The following IGF1R variants were observed in gnomAD, a reference collection of about 807,000 sequenced individuals.
IGF1R encodes insulin-like growth factor 1 receptor.
Under a neutral mutation model 144.6 loss-of-function variants are expected in IGF1R, and 44 were observed. That is an observed-to-expected ratio of 0.30 (90% CI 0.24 to 0.39). The LOEUF (loss-of-function observed/expected upper bound fraction) is 0.39. Among genes scored for constraint, IGF1R ranks in the 10% least tolerant of loss-of-function variants. IGF1R has a pLI of 1.00. For missense variants in IGF1R, 1,355 were observed against 1,833.7 expected, an observed-to-expected ratio of 0.74 and a Z score of 4.77; for synonymous variants, 795 against 722.8, an observed-to-expected ratio of 1.10 and a Z score of -1.60.
At chr15:98,830,983 C>T (rs964555542) in intron 2 of IGF1R, among the ~76,000 whole-genome samples, 3 of 152,016 alleles carry the variant, frequency 2.0e-5, no homozygotes, top group Admixed American at 6.6e-5. Flanking sequence ...TGTATCATGG[C>T]AAGAAGAGAA....
chr15:98,908,188 C>G (rs1227510745), intron 5 of IGF1R, among the ~76,000 whole-genome samples: 1 of 152,180 alleles, frequency 6.6e-6, no homozygotes. Flanking sequence ...GGGTTGACCC[C>G]CCACAAGCTT....
chr15:98,812,765 A>G (rs2056617635), intron 2 of IGF1R, among the ~76,000 whole-genome samples: 1 of 152,094 alleles, frequency 6.6e-6, no homozygotes, highest in African/African-American at 2.4e-5. Context: ...CCCAACTTTT[A>G]TCTTGGAATT....
intron 2 of IGF1R, among the ~76,000 whole-genome samples, chr15:98,737,921 T>C (rs983289084): frequency 1.3e-5 from 2 of 152,210 alleles, no homozygotes; most frequent in African/African-American, 4.8e-5. Flanking sequence ...GCCTTTGATG[T>C]CTGCTCTAGG....
intron 11 of IGF1R, 150 bp from the exon 12 acceptor site, chr15:98,923,726 C>T (rs553225476): frequency 2.7e-4 from 185 of 691,610 alleles, no homozygotes; most frequent in African/African-American, 2.0e-3. Context: ...CTGTCCTGCC[C>T]GCGTGGATGG....
intron 19 of IGF1R, among the ~76,000 whole-genome samples, chr15:98,946,987 G>C (rs2016578941): frequency 6.6e-6 from 1 of 152,160 alleles, no homozygotes; most frequent in Non-Finnish European, 1.5e-5. Flanking sequence ...CTTGTACCAA[G>C]CTGCATTTCA....
At chr15:98,816,462 C>T (rs1444773841) in intron 2 of IGF1R, among the ~76,000 whole-genome samples, 3 of 152,162 alleles carry the variant, frequency 2.0e-5, no homozygotes, top group South Asian at 4.1e-4. Flanking sequence ...CAACCCTAGC[C>T]GGCCATCACT....
chr15:98,887,197 A>G (rs764753888), intron 2 of IGF1R, among the ~76,000 whole-genome samples: 11 of 152,096 alleles, frequency 7.2e-5, no homozygotes, highest in Non-Finnish European at 1.6e-4. Context: ...CAGCCTGTGT[A>G]TCGGTTGTGG....
In IGF1R at chr15:98,860,539, T is replaced by C. The variant is rs148939168; in HGVS notation, c.641-30786T>C. On this transcript the variant is annotated intron_variant, in intron 2 of 20. Coordinates refer to ENST00000650285, the MANE Select transcript of IGF1R (RefSeq NM_000875.5). ...CTGGAAATCTTTCCAACATGTATTC[T>C]GTACTTCTTTGCTTCTTACTCCAGT... Among the ~76,000 whole-genome samples the C allele has an allele frequency of 3.6e-3, 551 of 152,356 alleles. 3 individuals are homozygous for C. Among genetic ancestry groups the C allele is most frequent in the African/African-American group, 0.013 (529 of 41,580 alleles).
At chr15:98,682,430 A>G (rs979916661) in intron 1 of IGF1R, among the ~76,000 whole-genome samples, 13 of 152,154 alleles carry the variant, frequency 8.5e-5, no homozygotes, top group African/African-American at 3.1e-4. Flanking sequence ...GTGTAATTAT[A>G]AAAGGAGTCT....
rs2015599641 is a variant in IGF1R, at chr15:98,923,942, A to G, written c.2552A>G (p.Lys851Arg). ...EPRPENSIFL[K>R]WPEPENPNGL... is the part of the protein sequence containing the mutation. ...AGGCCTGAAAACTCCATCTTTTTAA[A>G]GTGGCCGGAACCTGAGAATCCCAAT... Residue 851 changes from lysine (K) to arginine (R), a missense_variant, in exon 12 of 21, where the codon AAG (lysine) becomes AGG (arginine). Transcript: ENST00000650285. The G allele has an allele frequency of 6.2e-7, 1 of 1,613,612 alleles. No individual in the cohort carries two copies. The highest frequency in any genetic ancestry group is 1.3e-5 in the African/African-American group (1 of 75,034).
In IGF1R at chr15:98,745,533, GC is replaced by G. The variant is rs1434341454; in HGVS notation, c.640+37428del. ...GAAATAAGAGAGGACATCAGAACTG[GC>G]CTGAATGGGGCCCTGGTAGGGCAGG... On this transcript the variant is annotated intron_variant, in intron 2 of 20. Coordinates refer to ENST00000650285, the MANE Select transcript of IGF1R (RefSeq NM_000875.5). 1.4e-4 allele frequency among the ~76,000 whole-genome samples: 21 copies of G among 152,356 alleles called. No individual in the cohort carries two copies. In the East Asian group the frequency reaches 3.7e-3, roughly 27 times the overall value.
At chr15:98,708,742 T>TG in intron 2 of IGF1R, among the ~76,000 whole-genome samples, 1 of 152,330 alleles carries the variant, frequency 6.6e-6, no homozygotes. Flanking sequence ...AGGCTGTACT[T>TG]GCAGGTAGCT....
At chr15:98,776,872 C>T (rs2055731195) in intron 2 of IGF1R, among the ~76,000 whole-genome samples, 1 of 152,158 alleles carries the variant, frequency 6.6e-6, no homozygotes, top group African/African-American at 2.4e-5. Flanking sequence ...TGGATTTGTG[C>T]TCTCATCGTC....
chr15:98,692,447 G>T (rs2053499558), intron 1 of IGF1R, among the ~76,000 whole-genome samples: 1 of 152,158 alleles, frequency 6.6e-6, no homozygotes, highest in Non-Finnish European at 1.5e-5. Context: ...GGCTCAAGCA[G>T]TCCTGCTCCT....
rs2151708039 is a variant in IGF1R at position 98,934,987 on chromosome 15, C to T, written c.3120C>T (p.Ser1040=). Residue 1040 remains serine (S), a synonymous_variant, in exon 16 of 21, where the codon AGC becomes AGT. Coordinates refer to ENST00000650285, the MANE Select transcript of IGF1R (RefSeq NM_000875.5). The stretch of plus-strand genomic sequence containing the variant: ...TTAAAACAGTGAACGAGGCCGCAAG[C>T]ATGCGTGAGAGGATTGAGTTTCTCA... ...VAIKTVNEAA[S]MRERIEFLNE... The T allele has an allele frequency of 2.5e-6, 4 of 1,614,126 alleles. No homozygotes were observed. Among genetic ancestry groups the T allele is most frequent in the South Asian group, 1.1e-5 (1 of 91,076 alleles).
chr15:98,937,877 C>T (rs999927976), intron 17 of IGF1R, among the ~76,000 whole-genome samples: 3 of 152,210 alleles, frequency 2.0e-5, no homozygotes, highest in African/African-American at 7.2e-5. Context: ...CCTCATGCAT[C>T]ACACGTATCT....
intron 2 of IGF1R, among the ~76,000 whole-genome samples, chr15:98,826,169 A>G (rs954410034): frequency 1.4e-4 from 21 of 152,228 alleles, no homozygotes; most frequent in South Asian, 4.1e-4. Context: ...CCAAATCTGG[A>G]TGACTGCATA....
rs2056582026 is a variant in IGF1R at position 98,811,195 on chromosome 15, A to G, written c.641-80130A>G. On this transcript the variant is annotated intron_variant, in intron 2 of 20. Coordinates refer to ENST00000650285, the MANE Select transcript of IGF1R (RefSeq NM_000875.5). ...ACATGCCTATAATACCAGCTACTCGAGAGGCTGAGGCAGGAGAATCACTTG... is the reference window on the plus strand; with the variant it reads ...ACATGCCTATAATACCAGCTACTCGGGAGGCTGAGGCAGGAGAATCACTTG... 2.0e-5 allele frequency among the ~76,000 whole-genome samples: 3 copies of G among 151,858 alleles called. No homozygotes were observed. The South Asian group carries it at 6.2e-4, about 32-fold the overall frequency.
At chr15:98,892,727 C>G (rs887412803) in intron 3 of IGF1R, among the ~76,000 whole-genome samples, 1 of 151,906 alleles carries the variant, frequency 6.6e-6, no homozygotes, top group Non-Finnish European at 1.5e-5. Flanking sequence ...TTTCCTGGAG[C>G]AGAGTAAAGA....
Sources: gnomAD v4.1 joint callset for allele counts (sites outside exome capture counted in the v4.1 genomes callset) on GRCh38, gnomAD v4.1.1 for gene constraint, MANE v1.5 for transcripts, NCBI Gene and HGNC (gene_info 2026-07-23, HGNC 2026-07-21) for gene names.